CPXM1: variants seen among roughly 807,000 people sequenced by gnomAD.
CPXM1 encodes probable carboxypeptidase X1.
A neutral mutation model predicts 80.4 loss-of-function variants in CPXM1; 72 were observed. The ratio of observed to expected loss-of-function variants is 0.90; its 90% confidence interval spans 0.74 to 1.09. The LOEUF (loss-of-function observed/expected upper bound fraction) is 1.09, where lower values mean the gene tolerates loss of function less well. Ranked by LOEUF, CPXM1 falls within the 50% of genes least tolerant of loss-of-function variation. The probability of loss-of-function intolerance (pLI) is 0.00; values close to 1 mark genes in which losing one functional copy is unlikely to be tolerated. For missense variants in CPXM1, 892 were observed against 999.4 expected, an observed-to-expected ratio of 0.89 and a Z score of 1.45; for synonymous variants, 403 against 405.6, an observed-to-expected ratio of 0.99 and a Z score of 0.08.
intron 5 of CPXM1, 38 bp downstream of exon 5, chr20:2,797,930 C>T: frequency 6.3e-7 from 1 of 1,590,816 alleles, no homozygotes; most frequent in Non-Finnish European, 8.6e-7. Context: ...GTGCCCAACT[C>T]CCAGCATGGA....
In CPXM1 at chr20:2,798,544, C is replaced by A; in HGVS notation, c.341-7G>T. Reference sequence around the variant, plus strand: ...AGACCCAAAGGAGGACAGCCTGGGGCGGGGATAGAACAGTGAGACAGGACC... The same window carrying A: ...AGACCCAAAGGAGGACAGCCTGGGGAGGGGATAGAACAGTGAGACAGGACC... On this transcript the variant is annotated splice_region_variant and splice_polypyrimidine_tract_variant and intron_variant, in intron 2 of 13. Coordinates refer to ENST00000380605, the MANE Select transcript of CPXM1 (RefSeq NM_019609.5). The A allele has an allele frequency of 1.2e-6, 2 of 1,611,768 alleles. No homozygotes were observed. Among genetic ancestry groups the A allele is most frequent in the Non-Finnish European group, 1.7e-6 (2 of 1,178,280 alleles).
At position 2,795,628 on chromosome 20, in the gene CPXM1, T is replaced by C. The variant is rs748821645; in HGVS notation, c.1691A>G (p.Asn564Ser). ...GGGGACCGTGTGCCAGTCAGCCCCG[T>C]TGATGATGTTGCCGTGCACGGAGAA... Reference protein sequence around the residue: ...QDFSVHGNIINGADWHTVPGS... With the variant: ...QDFSVHGNIISGADWHTVPGS... Residue 564 changes from asparagine (N) to serine (S), a missense_variant, in exon 11 of 14, where the codon AAC becomes AGC. Asn to Ser is a conservative substitution (Grantham distance 46). Around this residue, in one of 2 missense-constraint regions of CPXM1, gnomAD observed 874 missense variants for 958.4 expected, o/e 0.91. Coordinates refer to ENST00000380605, the MANE Select transcript of CPXM1 (RefSeq NM_019609.5). This position sits in a 1 kb window ranked among gnomAD's most constrained non-coding sequence, Gnocchi z 5.4. 2.5e-6 allele frequency: 4 copies of C among 1,613,998 alleles called. No individual in the cohort carries two copies. Among genetic ancestry groups the C allele is most frequent in the Non-Finnish European group, 3.4e-6 (4 of 1,179,914 alleles).
In CPXM1 at chr20:2,795,564, C is replaced by A; in HGVS notation, c.1720+35G>T. The A allele has an allele frequency of 1.9e-6, 3 of 1,601,686 alleles. No homozygotes were observed. The highest frequency in any genetic ancestry group is 2.6e-6 in the Non-Finnish European group (3 of 1,171,468). On this transcript the variant is annotated intron_variant, in intron 11 of 13. Transcript: ENST00000380605. The surrounding 1 kb of genome is among the most constrained non-coding windows in gnomAD (Gnocchi z 5.4). Reference sequence around the variant, plus strand: ...GGCTGTCTTATCAGGGCGGGGGTTACGGGGCCAGGGCTAACTCCACCCTCA... The same window carrying A: ...GGCTGTCTTATCAGGGCGGGGGTTAAGGGGCCAGGGCTAACTCCACCCTCA...
Position 2,800,479 on chromosome 20 carries a change from G to A in CPXM1, c.94C>T (p.Pro32Ser), listed in dbSNP as rs775260953. Residue 32 changes from proline to serine, a missense_variant, in exon 1 of 14, where the codon CCC (proline) becomes TCC (serine). By Grantham distance (74) the Pro-to-Ser change is moderately conservative. Transcript: ENST00000380605. ...GAGCCTGGGACCTTGGTGGTCCCGG[G>A]CTGCGCGAGGCCCAGCACCGAGTTC... ...PRNSVLGLAQ[P>S]GTTKVPGSTP... 2 of 1,440,186 alleles carry A rather than the reference G, an allele frequency of 1.4e-6. No homozygotes were observed. The highest frequency in any genetic ancestry group is 5.9e-5 in the East Asian group (2 of 33,666). 89.2% of individuals were successfully genotyped at this position (1,440,186 alleles called of 1,614,324 possible).
chr20:2,796,246 C>G lies in CPXM1; in HGVS notation c.1242+1G>C. On this transcript the variant is annotated splice_donor_variant, in intron 9 of 13. Coordinates refer to ENST00000380605, the MANE Select transcript of CPXM1 (RefSeq NM_019609.5). LOFTEE classifies it high-confidence loss of function. This position sits in a 1 kb window ranked among gnomAD's most constrained non-coding sequence, Gnocchi z 6.8. ...AGTGGCCCTCATGCTGGGTGGCCTA[C>G]CCGGTGGTAGGCGATCTCATAGCCA... 1 of 1,613,336 alleles carries G rather than the reference C, an allele frequency of 6.2e-7. No individual in the cohort carries two copies. Among genetic ancestry groups the G allele is most frequent in the Non-Finnish European group, 8.5e-7 (1 of 1,179,634 alleles).
At position 2,794,318 on chromosome 20, in the gene CPXM1, G is replaced by A; in HGVS notation, c.2077C>T (p.Pro693Ser). 6.2e-7 allele frequency: 1 copy of A among 1,614,158 alleles called. No homozygotes were observed. Among genetic ancestry groups the A allele is most frequent in the South Asian group, 1.1e-5 (1 of 91,078 alleles). The change falls in exon 14 of 14, where the codon CCC becomes TCC. Residue 693 changes from proline (P) to serine (S), a missense_variant. Transcript: ENST00000380605. This position sits in a 1 kb window ranked among gnomAD's most constrained non-coding sequence, Gnocchi z 5.2. ...GTGAGCACGAAATTGCAGGGGAAGG[G>A]GCCCTCTTCAAAGGTGACCCGACAG... Reference protein sequence around the residue: ...RNCRVTFEEGPFPCNFVLTKT... With the variant: ...RNCRVTFEEGSFPCNFVLTKT...
Position 2,798,252 on chromosome 20 carries a change from A to G in CPXM1, c.490T>C (p.Cys164Arg), listed in dbSNP as rs1380989895. ...EDGDLYDGAWCAEEQDADPWF... is the reference protein window; with the variant it reads ...EDGDLYDGAWRAEEQDADPWF... ...GGATCGGCGTCCTGCTCCTCAGCAC[A>G]CCAGGCTCCATCATATAGATCGCCG... Residue 164 changes from cysteine to arginine, a missense_variant, in exon 4 of 14, where the codon TGT becomes CGT. Around this residue, in one of 2 missense-constraint regions of CPXM1, gnomAD observed 874 missense variants for 958.4 expected, o/e 0.91. Coordinates refer to ENST00000380605, the MANE Select transcript of CPXM1 (RefSeq NM_019609.5). 2 of 1,613,790 alleles carry G rather than the reference A, an allele frequency of 1.2e-6. No individual in the cohort carries two copies. Among genetic ancestry groups the G allele is most frequent in the African/African-American group, 1.3e-5 (1 of 74,886 alleles).
Position 2,797,344 on chromosome 20 carries a change from T to C in CPXM1, c.682-2A>G. The C allele has an allele frequency of 2.7e-6, 4 of 1,483,650 alleles. No individual in the cohort carries two copies. Among genetic ancestry groups the C allele is most frequent in the Non-Finnish European group, 2.7e-6 (3 of 1,119,304 alleles). 91.9% of individuals were successfully genotyped at this position (1,483,650 alleles called of 1,614,324 possible). On this transcript the variant is annotated splice_acceptor_variant, in intron 5 of 13. Coordinates refer to ENST00000380605, the MANE Select transcript of CPXM1 (RefSeq NM_019609.5). LOFTEE classifies it high-confidence loss of function. ...TGGGTCTGAATTGGCAGGAAATACC[T>C]GGGGGCAGCAAGTTCTCTGTTGTGG...
rs2088509403 is a variant in CPXM1 at position 2,796,392 on chromosome 20, C to G, written c.1097G>C (p.Gly366Ala). 1 of 1,614,140 alleles carries G rather than the reference C, an allele frequency of 6.2e-7. No individual in the cohort carries two copies. The highest frequency in any genetic ancestry group is 8.5e-7 in the Non-Finnish European group (1 of 1,180,008). The part of the protein sequence containing the change: ...VAGMHGNEAL[G>A]RELLLLLMQF... The stretch of plus-strand genomic sequence containing the variant: ...CATCAGGAGCAGAAGCAACTCCCGC[C>G]CCAGGGCCTCGTTCCCATGCATGCC... The change falls in exon 9 of 14, where the codon GGG becomes GCG. Residue 366 changes from glycine (G) to alanine (A), a missense_variant. Physicochemically the swap from Gly to Ala is moderately conservative, Grantham distance 60. Around this residue, in one of 2 missense-constraint regions of CPXM1, gnomAD observed 874 missense variants for 958.4 expected, o/e 0.91. Transcript: ENST00000380605. This position sits in a 1 kb window ranked among gnomAD's most constrained non-coding sequence, Gnocchi z 6.8.
rs765266118 is a variant in CPXM1 at position 2,797,922 on chromosome 20, G to A, written c.681+46C>T. The A allele has an allele frequency of 3.9e-6, 6 of 1,550,644 alleles. No homozygotes were observed. In the Admixed American group the frequency reaches 8.4e-5, roughly 22 times the overall value. Reference sequence around the variant, plus strand: ...AGCCTCAGCCTAGCCTGGACTGGGTGCCCAACTCCCAGCATGGAGGCCCCA... The same window carrying A: ...AGCCTCAGCCTAGCCTGGACTGGGTACCCAACTCCCAGCATGGAGGCCCCA... On this transcript the variant is annotated intron_variant, in intron 5 of 13. Transcript: ENST00000380605.
chr20:2,795,335 T>G lies in CPXM1; in HGVS notation c.1802A>C (p.Asn601Thr). The change falls in exon 12 of 14, where the codon AAT becomes ACT. Residue 601 changes from asparagine to threonine, a missense_variant. Coordinates refer to ENST00000380605, the MANE Select transcript of CPXM1 (RefSeq NM_019609.5). This position sits in a 1 kb window ranked among gnomAD's most constrained non-coding sequence, Gnocchi z 5.4. Reference sequence around the variant, plus strand: ...GTTCTCCCACTCCTGGGGCAATTCATTCTCGTGAGGGAACTTGTCACAGGA... The same window carrying G: ...GTTCTCCCACTCCTGGGGCAATTCAGTCTCGTGAGGGAACTTGTCACAGGA... Reference protein sequence around the residue: ...ELSCDKFPHENELPQEWENNK... With the variant: ...ELSCDKFPHETELPQEWENNK... 6.2e-7 allele frequency: 1 copy of G among 1,614,150 alleles called. No individual in the cohort carries two copies. The highest frequency in any genetic ancestry group is 8.5e-7 in the Non-Finnish European group (1 of 1,180,026).
intron 1 of CPXM1, among the ~76,000 whole-genome samples, chr20:2,799,915 C>T (rs114647281): frequency 0.013 from 1,942 of 152,326 alleles, 42 homozygotes; most frequent in African/African-American, 0.044. Flanking sequence ...TCCCCTCCTG[C>T]CAGTTCTGGC....
chr20:2,796,685 G>A lies in CPXM1; in HGVS notation c.922-35C>T. ...AGAGTGTAGCGTGGCATGAGGCATG[G>A]GAGGGGTACACCCAGGGGCAGATCA... On this transcript the variant is annotated intron_variant, in intron 7 of 13. Transcript: ENST00000380605. This position sits in a 1 kb window ranked among gnomAD's most constrained non-coding sequence, Gnocchi z 6.8. The A allele has an allele frequency of 6.2e-7, 1 of 1,611,860 alleles. No individual in the cohort carries two copies. Among genetic ancestry groups the A allele is most frequent in the Non-Finnish European group, 8.5e-7 (1 of 1,178,690 alleles).
Position 2,794,728 on chromosome 20 carries a change from C to G in CPXM1, c.1861-89G>C. 2.0e-6 allele frequency: 2 copies of G among 992,092 alleles called. No individual in the cohort carries two copies. The highest frequency in any genetic ancestry group is 1.8e-5 in the Admixed American group (1 of 55,492). 61.5% of individuals were successfully genotyped at this position (992,092 alleles called of 1,614,324 possible). ...TTGCTGGCTCTGTTGCCCTGCAAAC[C>G]TGAGCAAAGTGGTAGGTCTACTGTG... On this transcript the variant is annotated intron_variant, in intron 12 of 13. Coordinates refer to ENST00000380605, the MANE Select transcript of CPXM1 (RefSeq NM_019609.5). This position sits in a 1 kb window ranked among gnomAD's most constrained non-coding sequence, Gnocchi z 5.2.
At position 2,794,750 on chromosome 20, in the gene CPXM1, T is replaced by C. The variant is rs2088487597; in HGVS notation, c.1861-111A>G. On this transcript the variant is annotated intron_variant, in intron 12 of 13. Transcript: ENST00000380605. This position sits in a 1 kb window ranked among gnomAD's most constrained non-coding sequence, Gnocchi z 5.2. ...AACCTGAGCAAAGTGGTAGGTCTACTGTGTTCCTAGGTGACACTACTTCTG... is the reference window on the plus strand; with the variant it reads ...AACCTGAGCAAAGTGGTAGGTCTACCGTGTTCCTAGGTGACACTACTTCTG... 7 of 757,872 alleles carry C rather than the reference T, an allele frequency of 9.2e-6. No individual in the cohort carries two copies. The highest frequency in any genetic ancestry group is 1.6e-5 in the Non-Finnish European group (7 of 445,384). The allele number at this position is 757,872 out of a possible 1,614,324, so 46.9% of individuals were successfully genotyped here. A position where few individuals can be genotyped will look rare whatever the true frequency, so the allele number is the denominator to read the frequency against.
chr20:2,796,998 T>C lies in CPXM1; in HGVS notation c.921+8A>G. ...CCTCCTTCCCAGGTCATAGGGGTTA[T>C]ATCTGACCTTCCTCATGGCCTTGTA... On this transcript the variant is annotated splice_region_variant and intron_variant, in intron 7 of 13. Coordinates refer to ENST00000380605, the MANE Select transcript of CPXM1 (RefSeq NM_019609.5). The surrounding 1 kb of genome is among the most constrained non-coding windows in gnomAD (Gnocchi z 6.8). The C allele has an allele frequency of 1.2e-6, 2 of 1,612,480 alleles. No individual in the cohort carries two copies. Among genetic ancestry groups the C allele is most frequent in the South Asian group, 1.1e-5 (1 of 91,044 alleles).
chr20:2,797,173 C>A lies in CPXM1; in HGVS notation c.832+19G>T, dbSNP rs752671588. The A allele has an allele frequency of 6.2e-7, 1 of 1,605,584 alleles. No individual in the cohort carries two copies. The highest frequency in any genetic ancestry group is 8.5e-7 in the Non-Finnish European group (1 of 1,174,510). On this transcript the variant is annotated intron_variant, in intron 6 of 13. Coordinates refer to ENST00000380605, the MANE Select transcript of CPXM1 (RefSeq NM_019609.5). ...CTGCATCCAAGCCCTGCCCAACCAA[C>A]CCTGGCCTGACTGCCCACCTGAGAC...
Position 2,800,529 on chromosome 20 carries a change from A to G in CPXM1, c.44T>C (p.Val15Ala), listed in dbSNP as rs1371385985. 4 of 1,357,518 alleles carry G rather than the reference A, an allele frequency of 2.9e-6. No homozygotes were observed. Among genetic ancestry groups the G allele is most frequent in the Non-Finnish European group, 3.8e-6 (4 of 1,060,944 alleles). 84.1% of individuals were successfully genotyped at this position (1,357,518 alleles called of 1,614,324 possible). The part of the protein sequence containing the change: ...LLALAAFAPA[V>A]GPALGAPRNS... ...CCTGGGCGCCCCCAGAGCCGGGCCG[A>G]CGGCCGGCGCGAAGGCGGCCAGGGC... Residue 15 changes from valine (V) to alanine (A), a missense_variant, in exon 1 of 14, where the codon GTC (valine) becomes GCC (alanine). Val to Ala is a moderately conservative substitution (Grantham distance 64, BLOSUM62 0). Transcript: ENST00000380605.
rs770444464 is a variant in CPXM1 at position 2,794,430 on chromosome 20, C to A, written c.1965G>T (p.Ala655=). The A allele has an allele frequency of 6.2e-7, 1 of 1,613,772 alleles. No homozygotes were observed. Among genetic ancestry groups the A allele is most frequent in the South Asian group, 1.1e-5 (1 of 91,070 alleles). Residue 655 remains alanine, a splice_region_variant and synonymous_variant, in exon 14 of 14, where the codon GCG becomes GCT. Transcript: ENST00000380605. This position sits in a 1 kb window ranked among gnomAD's most constrained non-coding sequence, Gnocchi z 5.2. ...VDGINHDVTT[A]WGGDYWRLLT... ...GCAGACGCCAATAATCCCCGCCCCA[C>A]GCTGAGGAGAGTGAAGGGCACGATC...
Sources: allele counts gnomAD v4.1 joint callset (sites outside exome capture counted in the v4.1 genomes callset), GRCh38; gene constraint gnomAD v4.1.1; regional missense constraint gnomAD v4.1.1; non-coding constraint Gnocchi (gnomAD v3.1); transcripts MANE v1.5; gene names NCBI Gene and HGNC (gene_info 2026-07-23, HGNC 2026-07-21).